The following GPATCH8 variants were observed in gnomAD, a reference collection of about 807,000 sequenced individuals.
The protein encoded by GPATCH8 is G-patch domain containing 8.
Under a neutral mutation model 118.3 loss-of-function variants are expected in GPATCH8, and 18 were observed. The ratio of observed to expected loss-of-function variants is 0.15; its 90% confidence interval spans 0.11 to 0.23. GPATCH8 has a LOEUF of 0.23. GPATCH8 is among the 10% of genes least tolerant of loss of function. The pLI, the probability that GPATCH8 is intolerant of heterozygous loss-of-function variation, is 1.00. For synonymous variants in GPATCH8, 659 were observed against 684.7 expected (o/e 0.96, Z 0.59); for missense variants, 1,631 against 1,873.8 (o/e 0.87, Z 2.39).
Position 44,416,177 on chromosome 17 carries a change from T to G in GPATCH8, c.492+8172A>C, listed in dbSNP as rs576925891. 3.1e-4 allele frequency among the ~76,000 whole-genome samples: 47 copies of G among 152,294 alleles called. No individual in the cohort carries two copies. In the South Asian group the frequency reaches 3.3e-3, roughly 11 times the overall value. On this transcript the variant is annotated intron_variant, in intron 6 of 7. Coordinates refer to ENST00000591680, the MANE Select transcript of GPATCH8 (RefSeq NM_001002909.4). ...CCACCACGCCCAGCTAATTTTTTTT[T>G]GTATTTTTAGTACAGATGGGGTTTC...
intron 1 of GPATCH8, among the ~76,000 whole-genome samples, chr17:44,487,982 G>A (rs1438938913): frequency 1.3e-5 from 2 of 149,850 alleles, no homozygotes; most frequent in African/African-American, 4.9e-5. Context: ...GAGTGCAGTG[G>A]CGCGATCTCA....
In GPATCH8 at chr17:44,500,977, C is replaced by G. The variant is rs565879482; in HGVS notation, c.45+2349G>C. Among the ~76,000 whole-genome samples, 6 of 152,218 alleles carry G rather than the reference C, an allele frequency of 3.9e-5. No individual in the cohort carries two copies. In the South Asian group the frequency reaches 1.2e-3, roughly 32 times the overall value. On this transcript the variant is annotated intron_variant, in intron 1 of 7. Coordinates refer to ENST00000591680, the MANE Select transcript of GPATCH8 (RefSeq NM_001002909.4). ...CTGTATTTTCCCTTTATTAAAACAT[C>G]TAGAAAAATACCACTTTATTTTTCA...
chr17:44,459,567 T>G (rs947750475), intron 3 of GPATCH8, among the ~76,000 whole-genome samples: 6 of 152,196 alleles, frequency 3.9e-5, no homozygotes, highest in Non-Finnish European at 5.9e-5. Context: ...CACCAAGTAC[T>G]TTTACACAAA....
chr17:44,396,463 C>T lies in GPATCH8; in HGVS notation c.*1105G>A, dbSNP rs772885894. 1 of 453,344 alleles carries T rather than the reference C, an allele frequency of 2.2e-6. No homozygotes were observed. The highest frequency in any genetic ancestry group is 1.6e-5 in the South Asian group (1 of 64,218). The allele number at this position is 453,344 out of a possible 1,614,324, so 28.1% of individuals were successfully genotyped here. A position where few individuals can be genotyped will look rare whatever the true frequency, so the allele number is the denominator to read the frequency against. On this transcript the variant is annotated 3_prime_UTR_variant, in exon 8 of 8. Coordinates refer to ENST00000591680, the MANE Select transcript of GPATCH8 (RefSeq NM_001002909.4). ...ACTGCAAATTACTTAACATTTTGTC[C>T]CAGCAAAAAATGTTTTAACATTTTA...
At chr17:44,482,873 T>TA (rs58756072) in intron 1 of GPATCH8, among the ~76,000 whole-genome samples, 151,292 of 151,294 alleles carry the variant, frequency 1, 75,645 homozygotes, top group Non-Finnish European at 1. Context: ...AATGGGTGTC[T>TA]AGGCCGGGCG....
chr17:44,459,343 T>C (rs147035598), intron 3 of GPATCH8, among the ~76,000 whole-genome samples: 1 of 152,350 alleles, frequency 6.6e-6, no homozygotes, highest in African/African-American at 2.4e-5. Context: ...AATAAGCATA[T>C]ATGGCATTTT....
chr17:44,451,097 G>A (rs975394417), intron 3 of GPATCH8, among the ~76,000 whole-genome samples: 3 of 152,062 alleles, frequency 2.0e-5, no homozygotes, highest in African/African-American at 7.2e-5. Context: ...TAAAGACTTA[G>A]TACAGATCTG....
intron 3 of GPATCH8, among the ~76,000 whole-genome samples, chr17:44,446,562 T>C (rs536993503): frequency 6.6e-6 from 1 of 152,136 alleles, no homozygotes; most frequent in East Asian, 1.9e-4. Flanking sequence ...TGAGACTCTG[T>C]CTTAAAAATA....
intron 2 of GPATCH8, among the ~76,000 whole-genome samples, chr17:44,468,631 T>C (rs895345884): frequency 1.3e-5 from 2 of 152,000 alleles, no homozygotes; most frequent in East Asian, 1.9e-4. Flanking sequence ...GTTACTATAA[T>C]AATGACTAAA....
intron 5 of GPATCH8, among the ~76,000 whole-genome samples, chr17:44,434,671 C>G (rs2050435889): frequency 6.6e-6 from 1 of 152,242 alleles, no homozygotes; most frequent in South Asian, 2.1e-4. Context: ...AACCCCGTCT[C>G]TACTGAGTGT....
chr17:44,501,146 G>A (rs569672271), intron 1 of GPATCH8, among the ~76,000 whole-genome samples: 1 of 152,204 alleles, frequency 6.6e-6, no homozygotes, highest in South Asian at 2.1e-4. Flanking sequence ...TCGGCCAGGC[G>A]CGATGGCTCA....
chr17:44,436,107 C>T (rs578016616), intron 4 of GPATCH8, among the ~76,000 whole-genome samples: 33 of 140,184 alleles, frequency 2.4e-4, no homozygotes, highest in African/African-American at 7.9e-4. Context: ...GCAGGTATTA[C>T]AGGTGACAGC....
intron 5 of GPATCH8, among the ~76,000 whole-genome samples, chr17:44,427,455 AC>A (rs2050130294): frequency 6.6e-6 from 1 of 152,022 alleles, no homozygotes; most frequent in African/African-American, 2.4e-5. Context: ...CTGCTTTAAA[AC>A]CATTTACTCC....
Position 44,400,210 on chromosome 17 carries a change from C to T in GPATCH8, c.1867G>A (p.Val623Ile). The T allele has an allele frequency of 1.2e-6, 2 of 1,614,164 alleles. No homozygotes were observed. The highest frequency in any genetic ancestry group is 1.7e-6 in the Non-Finnish European group (2 of 1,180,032). ...KSKEVGGEKI[V>I]RSSGGRMDAP... Reference sequence around the variant, plus strand: ...TCCATTCTGCCTCCTGAGGAACGTACTATTTTCTCTCCGCCCACTTCCTTG... The same window carrying T: ...TCCATTCTGCCTCCTGAGGAACGTATTATTTTCTCTCCGCCCACTTCCTTG... Residue 623 changes from valine to isoleucine, a missense_variant, in exon 8 of 8, where the codon GTA becomes ATA. Val to Ile is a conservative substitution (Grantham distance 29). Transcript: ENST00000591680.
chr17:44,404,031 G>T (rs954219551), intron 7 of GPATCH8, among the ~76,000 whole-genome samples: 1 of 151,696 alleles, frequency 6.6e-6, no homozygotes, highest in Non-Finnish European at 1.5e-5. Flanking sequence ...ATTGCTACTG[G>T]AAAATGAGAA....
chr17:44,398,446 T>C lies in GPATCH8; in HGVS notation c.3631A>G (p.Lys1211Glu). 6.2e-7 allele frequency: 1 copy of C among 1,613,344 alleles called. No homozygotes were observed. The highest frequency in any genetic ancestry group is 8.5e-7 in the Non-Finnish European group (1 of 1,179,552). Residue 1211 changes from lysine (K) to glutamate (E), a missense_variant, in exon 8 of 8, where the codon AAG becomes GAG. Around this residue, in one of 8 missense-constraint regions of GPATCH8, gnomAD observed 922 missense variants for 879.7 expected, o/e 1.05. Transcript: ENST00000591680. ...PLLDPPPEES[K>E]SGEATADHPV... Reference sequence around the variant, plus strand: ...TGATCAGCAGTAGCTTCTCCAGACTTTGACTCTTCTGGGGGTGGGTCTAAT... The same window carrying C: ...TGATCAGCAGTAGCTTCTCCAGACTCTGACTCTTCTGGGGGTGGGTCTAAT...
chr17:44,413,871 T>C (rs1467457752), intron 6 of GPATCH8, among the ~76,000 whole-genome samples: 3 of 151,864 alleles, frequency 2.0e-5, no homozygotes, highest in Admixed American at 2.0e-4. Flanking sequence ...CTGCCCGCCT[T>C]GGATTCCCAA....
chr17:44,422,052 T>G (rs971203451), intron 6 of GPATCH8, among the ~76,000 whole-genome samples: 1 of 152,202 alleles, frequency 6.6e-6, no homozygotes, highest in African/African-American at 2.4e-5. Context: ...TTTTTCCACC[T>G]AAAATATCTT....
At position 44,401,144 on chromosome 17, in the gene GPATCH8, T is replaced by C. The variant is rs1199307500; in HGVS notation, c.933A>G (p.Lys311=). 2 of 1,614,068 alleles carry C rather than the reference T, an allele frequency of 1.2e-6. No homozygotes were observed. Among genetic ancestry groups the C allele is most frequent in the African/African-American group, 2.7e-5 (2 of 74,928 alleles). ...TGAAAACTGATGCTATTGATTCGAG[T>C]TTGACAGGAGCCTTTTTGGCAAAAG... is the stretch of plus-strand genomic sequence containing the variant. The part of the protein sequence containing the change: ...SFSFAKKAPV[K]LESIASVFKD... Residue 311 remains lysine, a synonymous_variant, in exon 8 of 8, where the codon AAA becomes AAG. Coordinates refer to ENST00000591680, the MANE Select transcript of GPATCH8 (RefSeq NM_001002909.4).
Sources: gnomAD v4.1 joint callset for allele counts (sites outside exome capture counted in the v4.1 genomes callset) on GRCh38, gnomAD v4.1.1 for gene constraint, gnomAD v4.1.1 regional missense constraint, MANE v1.5 for transcripts, NCBI Gene and HGNC (gene_info 2026-07-23, HGNC 2026-07-21) for gene names.